The following RORA variants were observed in gnomAD, a reference collection of about 807,000 sequenced individuals.
RORA encodes RAR related orphan receptor A.
RORA carries 7 observed loss-of-function variants against 69.5 expected under a neutral mutation model. The ratio of observed to expected loss-of-function variants is 0.10; its 90% CI spans 0.06 to 0.19. RORA has a LOEUF of 0.19. Among genes scored for constraint, RORA ranks in the 10% least tolerant of loss-of-function variants. The probability of loss-of-function intolerance (pLI) is 1.00; values close to 1 mark genes in which losing one functional copy is unlikely to be tolerated. For missense variants in RORA, 457 were observed against 663.0 expected, an observed-to-expected ratio of 0.69 and a Z score of 3.41; for synonymous variants, 261 against 240.8, an observed-to-expected ratio of 1.08 and a Z score of -0.78.
At chr15:60,962,159 T>C (rs967242668) in intron 1 of RORA, among the ~76,000 whole-genome samples, 5 of 152,212 alleles carry the variant, frequency 3.3e-5, no homozygotes, top group African/African-American at 1.2e-4. Context: ...TGCCTTCAAT[T>C]ATCACAGTGC....
intron 1 of RORA, among the ~76,000 whole-genome samples, chr15:60,926,286 C>G (rs1156425031): frequency 1.3e-5 from 2 of 152,216 alleles, no homozygotes; most frequent in Non-Finnish European, 2.9e-5. Context: ...GCACCTGCAG[C>G]AGAACCTGGA....
chr15:60,677,093 T>C (rs2070565261), intron 2 of RORA: 1 of 445,992 alleles, frequency 2.2e-6, no homozygotes, highest in Non-Finnish European at 4.6e-6. Context: ...GGCACAATCA[T>C]CAGCCCCTGT....
intron 2 of RORA, among the ~76,000 whole-genome samples, chr15:60,675,197 CA>C (rs2070534934): frequency 1.3e-5 from 2 of 152,128 alleles, no homozygotes; most frequent in Admixed American, 1.3e-4. Flanking sequence ...TTGTCCTTGG[CA>C]AATAATAAAA....
At chr15:60,950,459 G>T in intron 1 of RORA, among the ~76,000 whole-genome samples, 1 of 81,158 alleles carries the variant, frequency 1.2e-5, no homozygotes, top group Non-Finnish European at 2.4e-5. Context: ...AAATGTAAAT[G>T]GACTAAATGT....
At chr15:60,933,051 G>C (rs2140502439) in intron 1 of RORA, among the ~76,000 whole-genome samples, 1 of 152,258 alleles carries the variant, frequency 6.6e-6, no homozygotes, top group East Asian at 1.9e-4. Context: ...AGAATGCTTA[G>C]TTCTAGTATT....
At chr15:61,146,236 A>T (rs1336373704) in intron 1 of RORA, among the ~76,000 whole-genome samples, 3 of 152,070 alleles carry the variant, frequency 2.0e-5, no homozygotes, top group African/African-American at 7.2e-5. Context: ...CTCCACTGAC[A>T]CTGTTTATCA....
intron 1 of RORA, among the ~76,000 whole-genome samples, chr15:61,100,527 C>G (rs901920856): frequency 2.0e-5 from 3 of 152,174 alleles, no homozygotes; most frequent in African/African-American, 7.2e-5. Context: ...TTCTCCACTT[C>G]AGGGCTCCAG....
intron 2 of RORA, chr15:60,615,136 C>T: frequency 1.1e-5 from 15 of 1,382,092 alleles, no homozygotes; most frequent in Non-Finnish European, 1.5e-5. Context: ...AGTCCTAATG[C>T]TCTCTCGTGT....
chr15:60,759,124 G>A (rs1334628840), intron 1 of RORA, among the ~76,000 whole-genome samples: 1 of 152,196 alleles, frequency 6.6e-6, no homozygotes, highest in East Asian at 1.9e-4. Flanking sequence ...CAACTGGAAA[G>A]AACTAACTGA....
At chr15:60,826,785 CTCTCTT>C (rs1555456333) in intron 1 of RORA, among the ~76,000 whole-genome samples, 1 of 98,322 alleles carries the variant, frequency 1.0e-5, no homozygotes, top group Non-Finnish European at 2.4e-5. Flanking sequence ...CTCTCTCTCT[CTCTCTT>C]TTTTTTTTAA....
At chr15:61,065,555 A>G (rs530176021) in intron 1 of RORA, among the ~76,000 whole-genome samples, 1 of 152,344 alleles carries the variant, frequency 6.6e-6, no homozygotes, top group African/African-American at 2.4e-5. Flanking sequence ...TATTCAAATA[A>G]TATCTCTTTA....
intron 1 of RORA, among the ~76,000 whole-genome samples, chr15:61,198,675 C>CA (rs34291851): frequency 0.49 from 68,571 of 139,324 alleles, 16,558 homozygotes; most frequent in Non-Finnish European, 0.55. Flanking sequence ...TATATTCTCT[C>CA]AAAAAAAAAA....
chr15:60,601,213 A>C (rs2068801098), intron 2 of RORA, among the ~76,000 whole-genome samples: 2 of 152,334 alleles, frequency 1.3e-5, no homozygotes, highest in African/African-American at 4.8e-5. Flanking sequence ...ACATCTAGGC[A>C]TGTGTGCAAG....
chr15:60,908,777 G>A (rs1361288204), intron 1 of RORA, among the ~76,000 whole-genome samples: 1 of 152,072 alleles, frequency 6.6e-6, no homozygotes, highest in Non-Finnish European at 1.5e-5. Flanking sequence ...TCTGCCAACT[G>A]AACATTGTGC....
At chr15:60,915,453 G>A (rs1891843818) in intron 1 of RORA, among the ~76,000 whole-genome samples, 1 of 152,158 alleles carries the variant, frequency 6.6e-6, no homozygotes, top group South Asian at 2.1e-4. Context: ...TCTCCTCTCT[G>A]GACCTCAGTT....
chr15:61,038,613 A>C (rs977663674), intron 1 of RORA, among the ~76,000 whole-genome samples: 11 of 152,246 alleles, frequency 7.2e-5, no homozygotes, highest in African/African-American at 2.7e-4. Context: ...GCAACACGAG[A>C]AAATTGGCTC....
chr15:60,816,008 A>AT (rs2072808494), intron 1 of RORA, among the ~76,000 whole-genome samples: 1 of 102,824 alleles, frequency 9.7e-6, no homozygotes, highest in Non-Finnish European at 2.2e-5. Flanking sequence ...TATAAACAGT[A>AT]TAAGTATTTA....
chr15:60,576,628 G>A (rs1056471726), intron 2 of RORA, among the ~76,000 whole-genome samples: 1 of 152,244 alleles, frequency 6.6e-6, no homozygotes. Flanking sequence ...TCTGCCAAGT[G>A]TATCTGTTAG....
At chr15:60,679,088 T>C (rs2070601144) in intron 1 of RORA, among the ~76,000 whole-genome samples, 2 of 152,198 alleles carry the variant, frequency 1.3e-5, no homozygotes. Flanking sequence ...AACACGGCAA[T>C]TAATTTGCTA....
Sources: allele counts gnomAD v4.1 joint callset (sites outside exome capture counted in the v4.1 genomes callset), GRCh38; gene constraint gnomAD v4.1.1; transcripts MANE v1.5; gene names NCBI Gene and HGNC (gene_info 2026-07-23, HGNC 2026-07-21).